Variants in SEC14L4 observed in about 807,000 individuals in gnomAD.
SEC14L4 encodes SEC14-like protein 4.
A neutral mutation model predicts 55.1 loss-of-function variants in SEC14L4; 42 were observed. The observed-to-expected ratio is 0.76, with a 90% CI of 0.60 to 0.99. The LOEUF (loss-of-function observed/expected upper bound fraction) is 0.99. SEC14L4 is among the 50% of genes least tolerant of loss of function. SEC14L4 has a pLI of 0.00. For synonymous variants in SEC14L4, 206 were observed against 206.8 expected (o/e 1.00, Z 0.03); for missense variants, 445 against 512.1 (o/e 0.87, Z 1.27).
intron 11 of SEC14L4, 96 bp from the exon 12 acceptor site, chr22:30,490,342 G>C: frequency 6.4e-7 from 1 of 1,569,974 alleles, no homozygotes; most frequent in Non-Finnish European, 8.6e-7. Context: ...CCTTGGGAAT[G>C]AGCTGCATCC....
In SEC14L4 at chr22:30,500,754, A is replaced by ATTTT. The variant is rs531954470; in HGVS notation, c.130+2919_130+2922dup. On this transcript the variant is annotated intron_variant, in intron 2 of 11. Coordinates refer to ENST00000255858, the MANE Select transcript of SEC14L4 (RefSeq NM_174977.4). ...AATGCTCATGGGATATGAGAACAGA[A>ATTTT]TTTTTTTTTTTTTTTTTTTTTTTTT... Among the ~76,000 whole-genome samples the ATTTT allele has an allele frequency of 8.7e-3, 695 of 79,482 alleles. 59 individuals are homozygous for ATTTT. Among genetic ancestry groups the ATTTT allele is most frequent in the Non-Finnish European group, 0.01 (447 of 42,800 alleles). 52.1% of individuals were successfully genotyped at this position (79,482 alleles called of 152,430 possible). A position where few individuals can be genotyped will look rare whatever the true frequency, so the allele number is the denominator to read the frequency against.
intron 2 of SEC14L4, among the ~76,000 whole-genome samples, chr22:30,502,873 T>G (rs931464259): frequency 2.0e-5 from 3 of 152,192 alleles, no homozygotes; most frequent in Non-Finnish European, 4.4e-5. Context: ...TTTAGACTGC[T>G]GCTGTAATTC....
chr22:30,497,998 G>C (rs567859643), intron 2 of SEC14L4, among the ~76,000 whole-genome samples: 1 of 152,062 alleles, frequency 6.6e-6, no homozygotes, highest in African/African-American at 2.4e-5. Flanking sequence ...AAACTGAACA[G>C]GGCAGTTCTA....
At position 30,488,912 on chromosome 22, in the gene SEC14L4, T is replaced by G. The variant is rs1333498249; in HGVS notation, c.*1195A>C. The G allele has an allele frequency of 1.4e-5, 2 of 146,124 alleles. No individual in the cohort carries two copies. Among genetic ancestry groups the G allele is most frequent in the African/African-American group, 5.2e-5 (2 of 38,334 alleles). 9.1% of individuals were successfully genotyped at this position (146,124 alleles called of 1,614,324 possible). A position where few individuals can be genotyped will look rare whatever the true frequency, so the allele number is the denominator to read the frequency against. ...CCATTTTTTTTTTTTTTTTTTTTTT[T>G]GCCAATCTGCTCAAACACCCAGTTG... On this transcript the variant is annotated 3_prime_UTR_variant, in exon 12 of 12. Transcript: ENST00000255858.
intron 9 of SEC14L4, 23 bp downstream of exon 9, chr22:30,492,024 TCC>T (rs1935977310): frequency 6.2e-7 from 1 of 1,613,528 alleles, no homozygotes; most frequent in Non-Finnish European, 8.5e-7. Context: ...CTCCCCTCCT[TCC>T]CCATCCTCTG....
chr22:30,492,241 A>T, intron 8 of SEC14L4, 86 bp from the exon 9 acceptor site: 1 of 1,506,378 alleles, frequency 6.6e-7, no homozygotes. Flanking sequence ...AGGGAACCTG[A>T]TATGTCCTGG....
At chr22:30,492,968 C>T (rs984943876) in intron 7 of SEC14L4, among the ~76,000 whole-genome samples, 6 of 151,490 alleles carry the variant, frequency 4.0e-5, no homozygotes, top group African/African-American at 1.2e-4. Flanking sequence ...CTTGTAATCC[C>T]GGCTACTCGG....
rs746628646 is a variant in SEC14L4, at chr22:30,495,358, C to G, written c.319G>C (p.Asp107His). ...PVYFNIIGSL[D>H]PKGLLLSASK... ...GCTGACAGCAGGAGACCCTTGGGGT[C>G]GAGGGACCCAATGATGTTGAAGTAC... Residue 107 changes from aspartate (D) to histidine (H), a missense_variant, in exon 5 of 12, where the codon GAC (aspartate) becomes CAC (histidine). Physicochemically the swap from Asp to His is moderately conservative, Grantham distance 81. Coordinates refer to ENST00000255858, the MANE Select transcript of SEC14L4 (RefSeq NM_174977.4). The G allele has an allele frequency of 2.5e-6, 4 of 1,613,916 alleles. No homozygotes were observed. The highest frequency in any genetic ancestry group is 2.7e-5 in the African/African-American group (2 of 74,914).
intron 2 of SEC14L4, among the ~76,000 whole-genome samples, chr22:30,497,658 T>G (rs1457954159): frequency 6.6e-6 from 1 of 152,180 alleles, no homozygotes; most frequent in Non-Finnish European, 1.5e-5. Context: ...AAATCTGACC[T>G]GTGATGATTC....
intron 2 of SEC14L4, among the ~76,000 whole-genome samples, chr22:30,502,141 C>T (rs1232484209): frequency 6.6e-6 from 1 of 151,708 alleles, no homozygotes; most frequent in East Asian, 1.9e-4. Context: ...GCTGGGATTA[C>T]AAGCGTGAAC....
At position 30,491,591 on chromosome 22, in the gene SEC14L4, A is replaced by G. The variant is rs188527804; in HGVS notation, c.1063T>C (p.Cys355Arg). ...CTCTTACAGACGCCAGCCTGGAGGCAGGTGAGGCTCCCATCCTCAGGCACC... is the reference window on the plus strand; with the variant it reads ...CTCTTACAGACGCCAGCCTGGAGGCGGGTGAGGCTCCCATCCTCAGGCACC... ...HMVPEDGSLT[C>R]LQAGVYVLRF... Residue 355 changes from cysteine to arginine, a missense_variant, in exon 11 of 12, where the codon TGC (cysteine) becomes CGC (arginine). Physicochemically the swap from Cys to Arg is radical, Grantham distance 180 (BLOSUM62 -3). Transcript: ENST00000255858. 332 of 1,614,146 alleles carry G rather than the reference A, an allele frequency of 2.1e-4. 2 individuals carry two copies. The East Asian group carries it at 6.2e-3, about 30-fold the overall frequency.
intron 7 of SEC14L4, 76 bp downstream of exon 7, chr22:30,494,071 TTTA>T (rs1936055150): frequency 9.0e-7 from 1 of 1,110,640 alleles, no homozygotes; most frequent in African/African-American, 1.5e-5. Flanking sequence ...TGAAGAAGCC[TTTA>T]ACTCCATGGC....
At chr22:30,505,445 GCT>G in intron 1 of SEC14L4, 111 bp downstream of exon 1, 1 of 1,121,212 alleles carries the variant, frequency 8.9e-7, no homozygotes, top group Non-Finnish European at 1.3e-6. Context: ...GAACAGAGGC[GCT>G]CTCTCCAGGC....
At chr22:30,503,807 C>G (rs1199183290) in intron 1 of SEC14L4, 55 bp from the exon 2 acceptor site, 1 of 1,383,818 alleles carries the variant, frequency 7.2e-7, no homozygotes, top group Non-Finnish European at 1.0e-6. Flanking sequence ...CGGGGGCCAC[C>G]AACCCCGCCC....
At position 30,505,590 on chromosome 22, in the gene SEC14L4, G is replaced by C. The variant is rs1360811431; in HGVS notation, c.22C>G (p.Leu8Val). The C allele has an allele frequency of 3.8e-6, 6 of 1,569,236 alleles. No homozygotes were observed. Among genetic ancestry groups the C allele is most frequent in the Non-Finnish European group, 4.3e-6 (5 of 1,160,840 alleles). ...AGCGCTTCCTGCTGCTGGGGGCTCA[G>C]GTCCCCGACTCGGCTGCTCATGGTG... is the stretch of plus-strand genomic sequence containing the variant. MSSRVGD[L>V]SPQQQEALAR... The change falls in exon 1 of 12, where the codon CTG (leucine) becomes GTG (valine). Residue 8 changes from leucine (L) to valine (V), a missense_variant. Coordinates refer to ENST00000255858, the MANE Select transcript of SEC14L4 (RefSeq NM_174977.4).
At chr22:30,492,839 T>A (rs1007849687) in intron 7 of SEC14L4, 1 of 357,090 alleles carries the variant, frequency 2.8e-6, no homozygotes, top group African/African-American at 2.1e-5. Flanking sequence ...ATCCCAGCAC[T>A]TTGGGAGGCT....
intron 2 of SEC14L4, among the ~76,000 whole-genome samples, chr22:30,502,315 T>C (rs905985253): frequency 1.3e-5 from 2 of 152,236 alleles, no homozygotes; most frequent in African/African-American, 4.8e-5. Flanking sequence ...ACCAGTATTA[T>C]GCCCATTACA....
Position 30,492,385 on chromosome 22 carries a change from T to G in SEC14L4, c.664+89A>C, listed in dbSNP as rs573776883. ...GGTCAGGCCAGGGGTAGTGCCCGAG[T>G]AGAGGACGAGCCAGGGAGAAGCAGG... On this transcript the variant is annotated intron_variant, in intron 8 of 11. Coordinates refer to ENST00000255858, the MANE Select transcript of SEC14L4 (RefSeq NM_174977.4). The G allele has an allele frequency of 1.1e-5, 14 of 1,306,402 alleles. No homozygotes were observed. In the East Asian group the frequency reaches 2.8e-4, roughly 26 times the overall value. The allele number at this position is 1,306,402 out of a possible 1,614,324, so 80.9% of individuals were successfully genotyped here.
chr22:30,502,027 C>A (rs1392328680), intron 2 of SEC14L4, among the ~76,000 whole-genome samples: 1 of 151,492 alleles, frequency 6.6e-6, no homozygotes. Context: ...CCACCACACC[C>A]AGCTAATTTT....
Sources: gnomAD v4.1 joint callset for allele counts (sites outside exome capture counted in the v4.1 genomes callset) on GRCh38, gnomAD v4.1.1 for gene constraint, MANE v1.5 for transcripts, NCBI Gene and HGNC (gene_info 2026-07-23, HGNC 2026-07-21) for gene names.